NRCAM: variants seen among roughly 807,000 people sequenced by gnomAD.
NRCAM encodes the protein NgCAM-related cell adhesion molecule.
A neutral mutation model predicts 156.5 loss-of-function variants in NRCAM; 83 were observed. The observed-to-expected ratio is 0.53, with a 90% CI of 0.44 to 0.64. NRCAM has a LOEUF of 0.64. Among genes scored for constraint, NRCAM ranks in the 30% least tolerant of loss-of-function variants. The pLI is 0.00. For synonymous variants in NRCAM, 538 were observed against 563.9 expected (o/e 0.95, Z 0.65); for missense variants, 1,417 against 1,597.3 (o/e 0.89, Z 1.92).
At chr7:108,159,227 A>C (rs1240353994) in intron 32 of NRCAM, 5 of 682,560 alleles carry the variant, frequency 7.3e-6, no homozygotes, top group Non-Finnish European at 1.1e-5. Flanking sequence ...AAATATGACA[A>C]AGTGGGAGAC....
chr7:108,426,669 C>G (rs562447106), intron 1 of NRCAM, among the ~76,000 whole-genome samples: 1 of 152,192 alleles, frequency 6.6e-6, no homozygotes. Context: ...GAACAAAGGG[C>G]ACACAAGCAC....
Position 108,184,486 on chromosome 7 carries a change from T to A in NRCAM, c.2164A>T (p.Met722Leu). ...CTCTTCCCAATGCTGTTCACTGCCA[T>A]CACGCGGAAGGAGTAGTTCACGTAA... ...SPYVNYSFRV[M>L]AVNSIGKSLP... The change falls in exon 21 of 33, where the codon ATG (methionine) becomes TTG (leucine). Residue 722 changes from methionine (M) to leucine (L), a missense_variant. Met to Leu is a conservative substitution (Grantham distance 15). This residue lies in a region of NRCAM where 1,238 missense variants were observed against 1,336.4 expected (regional missense o/e 0.93). Coordinates refer to ENST00000379028, the MANE Select transcript of NRCAM (RefSeq NM_001037132.4). 1 of 1,614,176 alleles carries A rather than the reference T, an allele frequency of 6.2e-7. No individual in the cohort carries two copies. The highest frequency in any genetic ancestry group is 8.5e-7 in the Non-Finnish European group (1 of 1,180,020).
intron 3 of NRCAM, among the ~76,000 whole-genome samples, chr7:108,254,893 A>T (rs779177280): frequency 3.9e-5 from 6 of 152,286 alleles, no homozygotes; most frequent in Non-Finnish European, 7.3e-5. Context: ...CATACAATCC[A>T]GCAATTCTAC....
At chr7:108,331,832 T>A (rs2099130027) in intron 2 of NRCAM, among the ~76,000 whole-genome samples, 1 of 152,226 alleles carries the variant, frequency 6.6e-6, no homozygotes, top group Admixed American at 6.5e-5. Context: ...TCACATTCAT[T>A]GCCAGTTTTT....
intron 2 of NRCAM, among the ~76,000 whole-genome samples, chr7:108,353,438 A>G (rs1406978362): frequency 1.3e-5 from 2 of 151,636 alleles, no homozygotes; most frequent in African/African-American, 4.9e-5. Flanking sequence ...CCCACCTTAG[A>G]CTCCTGGAGT....
chr7:108,254,153 AAC>A (rs1452876124), intron 3 of NRCAM, among the ~76,000 whole-genome samples: 4 of 152,248 alleles, frequency 2.6e-5, no homozygotes, highest in Admixed American at 2.6e-4. Context: ...CAAAATTAAA[AAC>A]AGTTGCTCTT....
rs563007654 is a variant in NRCAM at position 108,406,342 on chromosome 7, G to A, written c.-331-6749C>T. ...TGTAATAAGAACAGACAAAGAAAGCGAGTGAAGCTGCAAGTTGGCAAGAGT... is the reference window on the plus strand; with the variant it reads ...TGTAATAAGAACAGACAAAGAAAGCAAGTGAAGCTGCAAGTTGGCAAGAGT... On this transcript the variant is annotated intron_variant, in intron 1 of 32. Coordinates refer to ENST00000379028, the MANE Select transcript of NRCAM (RefSeq NM_001037132.4). Among the ~76,000 whole-genome samples the A allele has an allele frequency of 8.5e-5, 13 of 152,324 alleles. No homozygotes were observed. In the East Asian group the frequency reaches 1.9e-3, roughly 23 times the overall value.
chr7:108,258,655 AG>A (rs1178552048), intron 3 of NRCAM, among the ~76,000 whole-genome samples: 1 of 152,192 alleles, frequency 6.6e-6, no homozygotes, highest in Non-Finnish European at 1.5e-5. Flanking sequence ...TGTGTGCCTT[AG>A]TTTCCTCACC....
chr7:108,165,985 A>G (rs1174942829), intron 30 of NRCAM, among the ~76,000 whole-genome samples: 1 of 152,250 alleles, frequency 6.6e-6, no homozygotes, highest in Non-Finnish European at 1.5e-5. Flanking sequence ...TAGCGAGCAA[A>G]TACGAATGCT....
chr7:108,179,667 G>T (rs1411789339), intron 25 of NRCAM, among the ~76,000 whole-genome samples: 4 of 151,996 alleles, frequency 2.6e-5, no homozygotes, highest in Non-Finnish European at 4.4e-5. Flanking sequence ...CTCCCTTGCA[G>T]TTGCCCATAT....
At chr7:108,313,700 A>G (rs988938419) in intron 2 of NRCAM, among the ~76,000 whole-genome samples, 2 of 152,240 alleles carry the variant, frequency 1.3e-5, no homozygotes, top group Non-Finnish European at 2.9e-5. Context: ...ATTGCATGTG[A>G]AGCAATGATA....
At chr7:108,175,955 C>G (rs895363034) in intron 27 of NRCAM, among the ~76,000 whole-genome samples, 1 of 151,964 alleles carries the variant, frequency 6.6e-6, no homozygotes, top group African/African-American at 2.4e-5. Flanking sequence ...GATTTCCTTG[C>G]TAGAAAATGT....
chr7:108,289,091 T>C (rs569252528), intron 3 of NRCAM, among the ~76,000 whole-genome samples: 5 of 152,218 alleles, frequency 3.3e-5, no homozygotes, highest in Admixed American at 6.5e-5. Flanking sequence ...CTGTTTCAAA[T>C]AGAAATGCAA....
chr7:108,277,634 A>G (rs1357796356), intron 3 of NRCAM, among the ~76,000 whole-genome samples: 1 of 152,010 alleles, frequency 6.6e-6, no homozygotes, highest in Admixed American at 6.6e-5. Context: ...TTAGCCATTC[A>G]TCTAAGCTTT....
At chr7:108,334,239 G>C (rs1032201200) in intron 2 of NRCAM, among the ~76,000 whole-genome samples, 4 of 152,110 alleles carry the variant, frequency 2.6e-5, no homozygotes, top group Non-Finnish European at 5.9e-5. Context: ...AAGTGTATGT[G>C]ATCACCTTTA....
At chr7:108,151,593 A>C (rs1042243082) in intron 32 of NRCAM, among the ~76,000 whole-genome samples, 1 of 152,236 alleles carries the variant, frequency 6.6e-6, no homozygotes, top group African/African-American at 2.4e-5. Context: ...AACCTGTTTC[A>C]GTAATACACA....
At chr7:108,156,336 G>A (rs1395562250) in intron 32 of NRCAM, 30 of 984,482 alleles carry the variant, frequency 3.0e-5, no homozygotes, top group Non-Finnish European at 3.3e-5. Context: ...TATGACCTAG[G>A]TTTATTCTGG....
At chr7:108,450,960 T>A (rs1849590974) in intron 1 of NRCAM, among the ~76,000 whole-genome samples, 1 of 152,208 alleles carries the variant, frequency 6.6e-6, no homozygotes, top group South Asian at 2.1e-4. Flanking sequence ...GACTCACGCT[T>A]GTAATCTCAG....
At chr7:108,179,739 C>T (rs753076946) in intron 25 of NRCAM, among the ~76,000 whole-genome samples, 9 of 152,152 alleles carry the variant, frequency 5.9e-5, no homozygotes, top group African/African-American at 9.7e-5. Context: ...CCTTCTAACT[C>T]GGTTCAACTT....
Sources: allele counts gnomAD v4.1 joint callset (sites outside exome capture counted in the v4.1 genomes callset), GRCh38; gene constraint gnomAD v4.1.1; regional missense constraint gnomAD v4.1.1; transcripts MANE v1.5; gene names NCBI Gene and HGNC (gene_info 2026-07-23, HGNC 2026-07-21).